The following SLC22A4 variants were observed in gnomAD, a reference collection of about 807,000 sequenced individuals.
SLC22A4 encodes solute carrier family 22 member 4.
A neutral mutation model predicts 56.6 loss-of-function variants in SLC22A4; 39 were observed. The ratio of observed to expected loss-of-function variants is 0.69; its 90% CI spans 0.53 to 0.90. The LOEUF is 0.90. Ranked by LOEUF, SLC22A4 falls within the 40% of genes least tolerant of loss-of-function variation. The pLI is 0.00. For missense variants in SLC22A4, 594 were observed against 696.5 expected (o/e 0.85, Z 1.66); for synonymous variants, 241 against 281.4 (o/e 0.86, Z 1.44).
chr5:132,316,100 T>G (rs1236270688), intron 3 of SLC22A4, among the ~76,000 whole-genome samples: 2 of 152,158 alleles, frequency 1.3e-5, no homozygotes, highest in African/African-American at 4.8e-5. Flanking sequence ...AGGAGTTTGG[T>G]AGGTGCCTTC....
At chr5:132,295,915 C>G (rs1419984329) in intron 1 of SLC22A4, among the ~76,000 whole-genome samples, 2 of 152,230 alleles carry the variant, frequency 1.3e-5, no homozygotes, top group Admixed American at 1.3e-4. Flanking sequence ...TTTCCCTCAG[C>G]ACGGTATAGC....
intron 1 of SLC22A4, chr5:132,295,308 G>C (rs1042020573): frequency 6.5e-6 from 4 of 611,706 alleles, no homozygotes; most frequent in African/African-American, 5.5e-5. Context: ...GTTGCGTTGG[G>C]GGAAGCGCAG....
At chr5:132,340,729 C>T in intron 9 of SLC22A4, 29 bp downstream of exon 9, 1 of 1,604,162 alleles carries the variant, frequency 6.2e-7, no homozygotes, top group Non-Finnish European at 8.5e-7. Context: ...AAAATGATAC[C>T]AAAATGCCTT....
intron 1 of SLC22A4, among the ~76,000 whole-genome samples, chr5:132,309,070 C>T (rs946589158): frequency 1.2e-4 from 18 of 152,298 alleles, no homozygotes; most frequent in Admixed American, 9.8e-4. Context: ...CCCTGGCTAG[C>T]GGAGACCCAA....
chr5:132,324,415 G>A (rs529315253), intron 4 of SLC22A4: 83 of 440,308 alleles, frequency 1.9e-4, no homozygotes, highest in South Asian at 1.3e-3. Context: ...CCCACAGGGA[G>A]CCTGCTCACT....
chr5:132,331,930 T>C, intron 6 of SLC22A4, 80 bp downstream of exon 6: 3 of 906,972 alleles, frequency 3.3e-6, no homozygotes, highest in Non-Finnish European at 1.9e-6. Flanking sequence ...AGGAACATTA[T>C]GACAACGACT....
At chr5:132,312,080 G>A (rs886158370) in intron 1 of SLC22A4, 81 bp from the exon 2 acceptor site, 11 of 860,676 alleles carry the variant, frequency 1.3e-5, no homozygotes, top group Non-Finnish European at 2.0e-5. Context: ...CGCCAGCCGT[G>A]CTAATATTCC....
In SLC22A4 at chr5:132,295,175, C is replaced by T. The variant is rs1283636188; in HGVS notation, c.393+166C>T. On this transcript the variant is annotated intron_variant, in intron 1 of 9. Transcript: ENST00000200652. Reference sequence around the variant, plus strand: ...GTGCACCCCAAGAAAGAATAGGACTCACGCGAGGCGCATTCCTGGGTCGTT... The same window carrying T: ...GTGCACCCCAAGAAAGAATAGGACTTACGCGAGGCGCATTCCTGGGTCGTT... The T allele has an allele frequency of 1.3e-5, 11 of 819,944 alleles. No homozygotes were observed. The Admixed American group carries it at 2.0e-4, about 15-fold the overall frequency. The allele number at this position is 819,944 out of a possible 1,614,324, so 50.8% of individuals were successfully genotyped here.
intron 1 of SLC22A4, among the ~76,000 whole-genome samples, chr5:132,300,040 C>T (rs1272752224): frequency 1.3e-5 from 2 of 152,202 alleles, no homozygotes; most frequent in Non-Finnish European, 2.9e-5. Context: ...AGTCTCCAAT[C>T]TGTGATTGTT....
chr5:132,306,386 TATATATATA>T (rs1202361986), intron 1 of SLC22A4, among the ~76,000 whole-genome samples: 3 of 1,834 alleles, frequency 1.6e-3, no homozygotes, highest in African/African-American at 3.2e-3. Context: ...AACCGTGAAA[TATATATATA>T]TATATATATA....
At chr5:132,329,634 G>T (rs1292490304) in intron 5 of SLC22A4, among the ~76,000 whole-genome samples, 3 of 152,168 alleles carry the variant, frequency 2.0e-5, no homozygotes. Context: ...ACAGGCAGTA[G>T]CATTAACTTG....
At position 132,334,931 on chromosome 5, in the gene SLC22A4, G is replaced by C; in HGVS notation, c.1260G>C (p.Val420=). The C allele has an allele frequency of 6.2e-7, 1 of 1,607,342 alleles. No homozygotes were observed. Among genetic ancestry groups the C allele is most frequent in the African/African-American group, 1.3e-5 (1 of 74,854 alleles). ...TTCTCTTCATTCAACTGGTACCTGTGGGTAAGAAGTTAACCAAGATGAACA... is the reference window on the plus strand; with the variant it reads ...TTCTCTTCATTCAACTGGTACCTGTCGGTAAGAAGTTAACCAAGATGAACA... ...GVLLFIQLVP[V]DYYFLSIGLV... is the part of the protein sequence containing the mutation. Residue 420 remains valine (V), a splice_region_variant and synonymous_variant, in exon 7 of 10, where the codon GTG becomes GTC. Transcript: ENST00000200652.
At chr5:132,336,141 C>T (rs1265149508) in intron 8 of SLC22A4, 141 bp downstream of exon 8, 8 of 846,840 alleles carry the variant, frequency 9.4e-6, no homozygotes, top group Non-Finnish European at 1.5e-5. Flanking sequence ...AGGAGGAGCT[C>T]TAGAAAGCCA....
intron 3 of SLC22A4, among the ~76,000 whole-genome samples, chr5:132,316,875 G>A (rs1298520810): frequency 3.9e-5 from 6 of 152,170 alleles, no homozygotes; most frequent in South Asian, 2.1e-4. Context: ...TTAGGATGCC[G>A]TAACAAAATC....
intron 1 of SLC22A4, among the ~76,000 whole-genome samples, chr5:132,299,917 G>C (rs1580818513): frequency 6.6e-6 from 1 of 152,184 alleles, no homozygotes; most frequent in African/African-American, 2.4e-5. Context: ...GGTTACAATA[G>C]TAATAACTGA....
intron 1 of SLC22A4, among the ~76,000 whole-genome samples, chr5:132,309,080 A>C (rs2126707514): frequency 6.6e-6 from 1 of 152,300 alleles, no homozygotes; most frequent in East Asian, 1.9e-4. Flanking sequence ...CGGAGACCCA[A>C]GACATATCCC....
Position 132,312,118 on chromosome 5 carries a change from G to A in SLC22A4, c.394-43G>A, listed in dbSNP as rs754982385. 6 of 1,208,756 alleles carry A rather than the reference G, an allele frequency of 5.0e-6. No homozygotes were observed. In the South Asian group the frequency reaches 6.0e-5, roughly 12 times the overall value. The allele number at this position is 1,208,756 out of a possible 1,614,324, so 74.9% of individuals were successfully genotyped here. ...CAGAGCTGGGCTGGGGTTGAGGTCT[G>A]CCTCAGGGTTGGGCTCACGCTTCAT... On this transcript the variant is annotated intron_variant, in intron 1 of 9. Transcript: ENST00000200652.
intron 1 of SLC22A4, among the ~76,000 whole-genome samples, chr5:132,297,594 A>G (rs1308553824): frequency 6.6e-6 from 1 of 152,074 alleles, no homozygotes; most frequent in Non-Finnish European, 1.5e-5. Context: ...GAGGCTCAAC[A>G]TCACTAATCA....
At chr5:132,334,987 G>A (rs1750979400) in intron 7 of SLC22A4, 55 bp downstream of exon 7, 5 of 1,221,438 alleles carry the variant, frequency 4.1e-6, no homozygotes, top group Middle Eastern at 2.6e-4. Flanking sequence ...ATATTGACTA[G>A]GCTGCTTCTG....
Sources: gnomAD v4.1 joint callset for allele counts (sites outside exome capture counted in the v4.1 genomes callset) on GRCh38, gnomAD v4.1.1 for gene constraint, MANE v1.5 for transcripts, NCBI Gene and HGNC (gene_info 2026-07-23, HGNC 2026-07-21) for gene names.